Variants in DPP10 observed in about 807,000 individuals in gnomAD.
DPP10 encodes dipeptidyl peptidase like 10.
Under a neutral mutation model 120.9 loss-of-function variants are expected in DPP10, and 33 were observed. The ratio of observed to expected loss-of-function variants is 0.27; its 90% confidence interval spans 0.21 to 0.37. DPP10 has a LOEUF of 0.37. DPP10 is among the 10% of genes least tolerant of loss of function. The pLI, the probability that DPP10 is intolerant of heterozygous loss-of-function variation, is 1.00. For synonymous variants in DPP10, 337 were observed against 326.1 expected, an observed-to-expected ratio of 1.03 and a Z score of -0.36; for missense variants, 816 against 942.8, an observed-to-expected ratio of 0.87 and a Z score of 1.76.
chr2:114,705,652 A>G (rs1700642693), intron 1 of DPP10, among the ~76,000 whole-genome samples: 1 of 152,210 alleles, frequency 6.6e-6, no homozygotes, highest in Admixed American at 6.5e-5. Flanking sequence ...GTCCTACAGT[A>G]TCAAGGATTT....
At chr2:115,276,135 G>C (rs573757806) in intron 1 of DPP10, among the ~76,000 whole-genome samples, 1 of 152,100 alleles carries the variant, frequency 6.6e-6, no homozygotes, top group Non-Finnish European at 1.5e-5. Context: ...TTTGCTCTTG[G>C]CTGTAGGTAT....
intron 2 of DPP10, among the ~76,000 whole-genome samples, chr2:115,337,602 A>G (rs2063214911): frequency 7.3e-6 from 1 of 137,840 alleles, no homozygotes; most frequent in African/African-American, 2.6e-5. Flanking sequence ...AAAAGAGAGG[A>G]TTGGTTGCAA....
intron 2 of DPP10, 69 bp from the exon 3 acceptor site, chr2:115,343,748 T>G: frequency 9.5e-7 from 1 of 1,054,774 alleles, no homozygotes; most frequent in Non-Finnish European, 1.4e-6. Context: ...TATTCCAAAT[T>G]TTGTAATTTG....
chr2:115,006,921 T>G (rs1701891241), intron 1 of DPP10, among the ~76,000 whole-genome samples: 1 of 152,078 alleles, frequency 6.6e-6, no homozygotes, highest in African/African-American at 2.4e-5. Context: ...ATACATTTTT[T>G]TCAGCACTAC....
intron 1 of DPP10, among the ~76,000 whole-genome samples, chr2:115,254,824 T>C (rs974756206): frequency 6.6e-6 from 1 of 152,228 alleles, no homozygotes; most frequent in Non-Finnish European, 1.5e-5. Context: ...CAGGTCACCC[T>C]GATGCAAGAG....
intron 1 of DPP10, among the ~76,000 whole-genome samples, chr2:114,629,487 GT>G (rs1694760767): frequency 1.3e-5 from 2 of 152,174 alleles, no homozygotes; most frequent in Non-Finnish European, 1.5e-5. Flanking sequence ...TCGTTAACGG[GT>G]AATGTATAAG....
intron 1 of DPP10, among the ~76,000 whole-genome samples, chr2:114,605,300 C>T (rs1229578436): frequency 3.3e-5 from 5 of 152,180 alleles, no homozygotes; most frequent in Admixed American, 1.3e-4. Context: ...TCCACCTATA[C>T]GTGGATTTTC....
At chr2:115,377,391 A>T (rs2065895182) in intron 3 of DPP10, among the ~76,000 whole-genome samples, 1 of 151,870 alleles carries the variant, frequency 6.6e-6, no homozygotes, top group African/African-American at 2.4e-5. Flanking sequence ...CCACTTTTTG[A>T]TGGGGTTGTT....
chr2:115,552,672 A>C (rs2079948151), intron 5 of DPP10, among the ~76,000 whole-genome samples: 1 of 152,088 alleles, frequency 6.6e-6, no homozygotes, highest in Admixed American at 6.6e-5. Context: ...TTGTTGACAT[A>C]AAGAGCACAA....
intron 5 of DPP10, among the ~76,000 whole-genome samples, chr2:115,639,481 G>A (rs571446769): frequency 2.0e-5 from 3 of 152,272 alleles, no homozygotes; most frequent in Admixed American, 6.5e-5. Flanking sequence ...AGGTGCAGTA[G>A]ACAAACATCT....
At chr2:115,826,019 G>A (rs1467960350) in intron 21 of DPP10, among the ~76,000 whole-genome samples, 2 of 152,218 alleles carry the variant, frequency 1.3e-5, no homozygotes, top group African/African-American at 2.4e-5. Context: ...ATAACTGGTA[G>A]CATCAGGTCA....
At chr2:115,279,847 C>T (rs995314624) in intron 1 of DPP10, among the ~76,000 whole-genome samples, 4 of 151,022 alleles carry the variant, frequency 2.6e-5, no homozygotes, top group South Asian at 4.2e-4. Context: ...TTTTTAGTAG[C>T]GACAGGGTTT....
At chr2:115,232,076 G>C (rs2057761562) in intron 1 of DPP10, among the ~76,000 whole-genome samples, 1 of 152,146 alleles carries the variant, frequency 6.6e-6, no homozygotes, top group Non-Finnish European at 1.5e-5. Flanking sequence ...GCTGGCACAA[G>C]CCTTCTAACT....
chr2:115,154,892 C>T (rs1170704404), intron 1 of DPP10, among the ~76,000 whole-genome samples: 1 of 136,530 alleles, frequency 7.3e-6, no homozygotes. Context: ...TTTGCCATTA[C>T]TTTTTTTTTT....
intron 1 of DPP10, among the ~76,000 whole-genome samples, chr2:114,650,789 A>G (rs1696524451): frequency 6.6e-6 from 1 of 152,076 alleles, no homozygotes; most frequent in African/African-American, 2.4e-5. Flanking sequence ...TGAGTCCTCC[A>G]TCCCCACATC....
chr2:114,444,552 G>A (rs1036022), intron 1 of DPP10, among the ~76,000 whole-genome samples: 88,927 of 150,004 alleles, frequency 0.59, 26,487 homozygotes, highest in Middle Eastern at 0.76. Flanking sequence ...TCTGGCATTG[G>A]CTGCCCACAA....
At chr2:115,736,131 T>G (rs188736320) in intron 8 of DPP10, among the ~76,000 whole-genome samples, 1 of 152,284 alleles carries the variant, frequency 6.6e-6, no homozygotes, top group East Asian at 1.9e-4. Flanking sequence ...ACCCTCGTCC[T>G]TTAGGCAATG....
chr2:114,569,328 C>A (rs1163651200), intron 1 of DPP10, among the ~76,000 whole-genome samples: 2 of 152,178 alleles, frequency 1.3e-5, no homozygotes, highest in Non-Finnish European at 2.9e-5. Context: ...TAAATTGCTG[C>A]TAAGTCATTC....
At chr2:115,323,189 T>C (rs2062154922) in intron 2 of DPP10, among the ~76,000 whole-genome samples, 1 of 152,216 alleles carries the variant, frequency 6.6e-6, no homozygotes, top group Non-Finnish European at 1.5e-5. Context: ...TATGTAATAT[T>C]CGAAATCCTT....
Sources: gnomAD v4.1 joint callset for allele counts (sites outside exome capture counted in the v4.1 genomes callset) on GRCh38, gnomAD v4.1.1 for gene constraint, MANE v1.5 for transcripts, NCBI Gene and HGNC (gene_info 2026-07-23, HGNC 2026-07-21) for gene names.